The following QKI variants were observed in gnomAD, a reference collection of about 807,000 sequenced individuals.
QKI encodes the protein QKI, KH domain containing RNA binding.
A neutral mutation model predicts 39.0 loss-of-function variants in QKI; 10 were observed. The ratio of observed to expected loss-of-function variants is 0.26; its 90% CI spans 0.16 to 0.43. The LOEUF is 0.43. Ranked by LOEUF, QKI falls within the 20% of genes least tolerant of loss-of-function variation. The pLI, the probability that QKI is intolerant of heterozygous loss-of-function variation, is 1.00. For synonymous variants in QKI, 204 were observed against 155.4 expected, an observed-to-expected ratio of 1.31 and a Z score of -2.33; for missense variants, 218 against 428.0, an observed-to-expected ratio of 0.51 and a Z score of 4.33.
At chr6:163,450,003 CAT>C (rs1439701839) in intron 1 of QKI, among the ~76,000 whole-genome samples, 1 of 151,170 alleles carries the variant, frequency 6.6e-6, no homozygotes, top group Non-Finnish European at 1.5e-5. Flanking sequence ...GTGTGTATAA[CAT>C]ATATGTATAA....
In QKI at chr6:163,535,158, C is replaced by T. The variant is rs186029895; in HGVS notation, c.546+33C>T. On this transcript the variant is annotated intron_variant, in intron 4 of 7. Transcript: ENST00000361752. The stretch of plus-strand genomic sequence containing the variant: ...ATAATTTCCAGACCTTAGATTTGGG[C>T]CTCGTCCTTTTTTGTCAGTTTATTT... 7,847 of 1,523,886 alleles carry T rather than the reference C, an allele frequency of 5.1e-3. 32 individuals are homozygous for T. Among genetic ancestry groups the T allele is most frequent in the Non-Finnish European group, 6.4e-3 (7,303 of 1,135,556 alleles). 94.4% of individuals were successfully genotyped at this position (1,523,886 alleles called of 1,614,324 possible).
intron 3 of QKI, among the ~76,000 whole-genome samples, chr6:163,525,654 C>T (rs1213770691): frequency 6.6e-6 from 1 of 152,166 alleles, no homozygotes; most frequent in Non-Finnish European, 1.5e-5. Context: ...CGTGAGCCAC[C>T]ACGCCCGGCC....
rs533079151 is a variant in QKI at position 163,474,209 on chromosome 6, A to G, written c.286-4571A>G. Among the ~76,000 whole-genome samples the G allele has an allele frequency of 3.9e-5, 6 of 152,350 alleles. No homozygotes were observed. The South Asian group carries it at 1.2e-3, about 32-fold the overall frequency. On this transcript the variant is annotated intron_variant, in intron 2 of 7. Transcript: ENST00000361752. ...GATAAAGTGTATCTTCAAAAAGTTT[A>G]AGATTAAACTTTATGGTGGACTGTT...
At chr6:163,539,136 A>G (rs530831770) in intron 4 of QKI, among the ~76,000 whole-genome samples, 7 of 152,282 alleles carry the variant, frequency 4.6e-5, no homozygotes, top group African/African-American at 7.2e-5. Flanking sequence ...GTGCTTCACC[A>G]TGTAACAGGA....
Position 163,571,083 on chromosome 6 carries a change from C to A in QKI, c.*373C>A, listed in dbSNP as rs529604882. 1.9e-4 allele frequency: 33 copies of A among 170,682 alleles called. No individual in the cohort carries two copies. The South Asian group carries it at 3.8e-3, about 20-fold the overall frequency. The allele number at this position is 170,682 out of a possible 1,614,324, so 10.6% of individuals were successfully genotyped here. A position where few individuals can be genotyped will look rare whatever the true frequency, so the allele number is the denominator to read the frequency against. ...GTCCTTAACTACTCAATGACAGAGG[C>A]AGTTACTGTGAGAGACTTCTAGGAA... On this transcript the variant is annotated 3_prime_UTR_variant, in exon 8 of 8. Transcript: ENST00000361752.
At chr6:163,454,576 C>G (rs894476312) in intron 1 of QKI, among the ~76,000 whole-genome samples, 5 of 152,054 alleles carry the variant, frequency 3.3e-5, no homozygotes, top group African/African-American at 1.2e-4. Context: ...TCTGTCATTT[C>G]TTAGCTTCTA....
intron 1 of QKI, chr6:163,415,885 A>T (rs138509915): frequency 4.7e-5 from 24 of 511,476 alleles, no homozygotes; most frequent in Non-Finnish European, 9.0e-5. Flanking sequence ...GCTGTTCAAT[A>T]CTAAGTGGAA....
At chr6:163,557,756 C>T (rs2128248731) in intron 4 of QKI, among the ~76,000 whole-genome samples, 1 of 151,812 alleles carries the variant, frequency 6.6e-6, no homozygotes, top group African/African-American at 2.4e-5. Flanking sequence ...CATTATATGC[C>T]TGTATCAAAA....
At position 163,508,046 on chromosome 6, in the gene QKI, A is replaced by G. The variant is rs73784438; in HGVS notation, c.403-26936A>G. On this transcript the variant is annotated intron_variant, in intron 3 of 7. Coordinates refer to ENST00000361752, the MANE Select transcript of QKI (RefSeq NM_006775.3). ...TGAAATAAAAAATTCACTAGATGACATAACTGTTGAGGAAAGAGTATGTGA... is the reference window on the plus strand; with the variant it reads ...TGAAATAAAAAATTCACTAGATGACGTAACTGTTGAGGAAAGAGTATGTGA... Among the ~76,000 whole-genome samples the G allele has an allele frequency of 3.3e-3, 503 of 152,330 alleles. 4 individuals are homozygous for G. Among genetic ancestry groups the G allele is most frequent in the African/African-American group, 0.011 (471 of 41,586 alleles).
intron 4 of QKI, among the ~76,000 whole-genome samples, chr6:163,540,074 CCATTTA>C (rs940478415): frequency 6.6e-6 from 1 of 150,770 alleles, no homozygotes; most frequent in African/African-American, 2.4e-5. Context: ...GGGAAATATT[CCATTTA>C]CATTATCATA....
chr6:163,568,452 C>A (rs1462485262), intron 7 of QKI: 2 of 985,432 alleles, frequency 2.0e-6, no homozygotes, highest in Non-Finnish European at 2.4e-6. Context: ...TTGATTAGTC[C>A]TGTCACTGTT....
intron 4 of QKI, among the ~76,000 whole-genome samples, chr6:163,555,836 T>G (rs1261000287): frequency 6.6e-6 from 1 of 151,964 alleles, no homozygotes; most frequent in Non-Finnish European, 1.5e-5. Context: ...TTGTAGTTTT[T>G]TTTTAAAAGT....
intron 3 of QKI, among the ~76,000 whole-genome samples, chr6:163,513,212 G>A (rs1423134071): frequency 6.6e-6 from 1 of 152,124 alleles, no homozygotes; most frequent in East Asian, 1.9e-4. Context: ...GGAACATATC[G>A]CTTGTAGATA....
chr6:163,436,937 T>C (rs1332600467), intron 1 of QKI, among the ~76,000 whole-genome samples: 1 of 152,194 alleles, frequency 6.6e-6, no homozygotes, highest in East Asian at 1.9e-4. Flanking sequence ...ATTACATTCA[T>C]AGGAGAAGAG....
intron 1 of QKI, among the ~76,000 whole-genome samples, chr6:163,441,218 T>G (rs1164339998): frequency 6.6e-6 from 1 of 152,188 alleles, no homozygotes; most frequent in Non-Finnish European, 1.5e-5. Context: ...AATTTAGCAT[T>G]GATGTAATGA....
intron 1 of QKI, among the ~76,000 whole-genome samples, chr6:163,453,550 GTTGC>G (rs1001083102): frequency 6.6e-6 from 1 of 152,134 alleles, no homozygotes; most frequent in Non-Finnish European, 1.5e-5. Context: ...AGTTTAAATT[GTTGC>G]TTGGTTGTTG....
intron 2 of QKI, 98 bp downstream of exon 2, chr6:163,455,519 T>TA: frequency 1.6e-6 from 2 of 1,227,310 alleles, no homozygotes; most frequent in Non-Finnish European, 2.3e-6. Context: ...ATTAGCCACT[T>TA]TAAAAAAATG....
chr6:163,520,406 CAAG>C (rs1780075861), intron 3 of QKI, among the ~76,000 whole-genome samples: 1 of 151,844 alleles, frequency 6.6e-6, no homozygotes, highest in Non-Finnish European at 1.5e-5. Context: ...TTTTAGCTAG[CAAG>C]AAGTTCAGGA....
chr6:163,529,202 A>G (rs1246407114), intron 3 of QKI, among the ~76,000 whole-genome samples: 1 of 152,196 alleles, frequency 6.6e-6, no homozygotes, highest in Non-Finnish European at 1.5e-5. Context: ...AAGCCGTCCC[A>G]GAAACCAAGA....
Sources: allele counts gnomAD v4.1 joint callset (sites outside exome capture counted in the v4.1 genomes callset), GRCh38; gene constraint gnomAD v4.1.1; transcripts MANE v1.5; gene names NCBI Gene and HGNC (gene_info 2026-07-23, HGNC 2026-07-21).